The following NYAP2 variants were observed in gnomAD, a reference collection of about 807,000 sequenced individuals.
NYAP2 encodes the protein neuronal tyrosine-phosphorylated phosphoinositide-3-kinase adaptor 2, also known as neuronal tyrosine-phosphorylated phosphoinositide-3-kinase adapter 2.
In NYAP2, 23 loss-of-function variants were observed where a neutral mutation model predicts 50.4. The observed-to-expected ratio is 0.46, with a 90% CI of 0.33 to 0.65. The LOEUF is 0.65. Among genes scored for constraint, NYAP2 ranks in the 30% least tolerant of loss-of-function variants. NYAP2 has a pLI of 0.02. For missense variants in NYAP2, 885 were observed against 861.0 expected (o/e 1.03, Z -0.35); for synonymous variants, 394 against 365.2 (o/e 1.08, Z -0.90).
intron 3 of NYAP2, among the ~76,000 whole-genome samples, chr2:225,512,494 T>A (rs1690837232): frequency 6.7e-6 from 1 of 150,028 alleles, no homozygotes; most frequent in African/African-American, 2.4e-5. Context: ...CCTTCCTTCC[T>A]CCTTCCCTCC....
intron 3 of NYAP2, among the ~76,000 whole-genome samples, chr2:225,419,872 G>A (rs1053859049): frequency 2.6e-5 from 4 of 152,102 alleles, no homozygotes; most frequent in African/African-American, 7.2e-5. Context: ...TTGGGCATTT[G>A]CAAATGACAC....
chr2:225,627,757 G>T (rs1360085454), intron 6 of NYAP2, among the ~76,000 whole-genome samples: 1 of 152,080 alleles, frequency 6.6e-6, no homozygotes, highest in Non-Finnish European at 1.5e-5. Context: ...TAATAGGTAG[G>T]TATTATTAAA....
At chr2:225,442,118 G>A (rs1475748835) in intron 3 of NYAP2, among the ~76,000 whole-genome samples, 1 of 152,190 alleles carries the variant, frequency 6.6e-6, no homozygotes, top group Non-Finnish European at 1.5e-5. Context: ...AATTTCTCAT[G>A]AAGAGTCAAA....
rs115809071 is a variant in NYAP2, at chr2:225,633,250, A to T, written c.1828+6124A>T. 4.5e-3 allele frequency among the ~76,000 whole-genome samples: 683 copies of T among 152,334 alleles called. 7 individuals are homozygous for T. The highest frequency in any genetic ancestry group is 0.015 in the African/African-American group (611 of 41,582). ...ATCATACCCACACATGCACACAGACATATATAGGCAAACAGGGTTTATAGT... is the reference window on the plus strand; with the variant it reads ...ATCATACCCACACATGCACACAGACTTATATAGGCAAACAGGGTTTATAGT... On this transcript the variant is annotated intron_variant, in intron 6 of 6. Transcript: ENST00000636099.
chr2:225,489,429 C>G (rs1345119551), intron 3 of NYAP2, among the ~76,000 whole-genome samples: 2 of 152,028 alleles, frequency 1.3e-5, no homozygotes, highest in African/African-American at 4.8e-5. Context: ...AACTCCTGAC[C>G]TCAGATGATC....
intron 4 of NYAP2, among the ~76,000 whole-genome samples, chr2:225,565,265 A>T (rs1459246706): frequency 6.6e-6 from 1 of 152,198 alleles, no homozygotes; most frequent in East Asian, 1.9e-4. Context: ...AATCATTTTT[A>T]AAAAACTGAT....
chr2:225,598,128 A>C (rs562453830), intron 5 of NYAP2, among the ~76,000 whole-genome samples: 1 of 152,132 alleles, frequency 6.6e-6, no homozygotes, highest in Non-Finnish European at 1.5e-5. Context: ...GAGGGCCTTC[A>C]CATACGATGC....
intron 3 of NYAP2, among the ~76,000 whole-genome samples, chr2:225,483,149 GTATCA>G (rs1690234152): frequency 6.6e-6 from 1 of 152,058 alleles, no homozygotes; most frequent in African/African-American, 2.4e-5. Flanking sequence ...TTATAACACT[GTATCA>G]TATACTTAAA....
At chr2:225,475,825 TA>T (rs1443480075) in intron 3 of NYAP2, among the ~76,000 whole-genome samples, 3 of 152,214 alleles carry the variant, frequency 2.0e-5, no homozygotes, top group African/African-American at 7.2e-5. Flanking sequence ...CAGTGTCTCA[TA>T]AAAGCTATTT....
chr2:225,561,168 G>A (rs1438022268), intron 4 of NYAP2, among the ~76,000 whole-genome samples: 2 of 152,042 alleles, frequency 1.3e-5, no homozygotes, highest in African/African-American at 4.8e-5. Context: ...TAAGTAATTA[G>A]GGGGACGACA....
intron 4 of NYAP2, among the ~76,000 whole-genome samples, chr2:225,523,307 G>A (rs145814470): frequency 7.3e-4 from 110 of 149,968 alleles, no homozygotes; most frequent in African/African-American, 2.4e-3. Flanking sequence ...ATTTGATCTC[G>A]TATCTAGAAA....
chr2:225,427,877 T>A (rs1049658241), intron 3 of NYAP2, among the ~76,000 whole-genome samples: 1 of 152,142 alleles, frequency 6.6e-6, no homozygotes, highest in African/African-American at 2.4e-5. Context: ...TCTGGAAGAA[T>A]ACCCAAAGGA....
chr2:225,641,573 G>A (rs1272905666), intron 6 of NYAP2, among the ~76,000 whole-genome samples: 2 of 151,880 alleles, frequency 1.3e-5, no homozygotes, highest in African/African-American at 4.8e-5. Context: ...CCAGCACTTT[G>A]GGAGGCCGAG....
intron 4 of NYAP2, among the ~76,000 whole-genome samples, chr2:225,535,395 C>T (rs1336004130): frequency 6.6e-6 from 1 of 152,080 alleles, no homozygotes; most frequent in Non-Finnish European, 1.5e-5. Context: ...TGTGGGATGA[C>T]GTATGTAGAT....
In NYAP2 at chr2:225,582,095, C is replaced by T. The variant is rs375907618; in HGVS notation, c.678C>T (p.Ser226=). ...GGAGGACGTCGCTGCCGCGGGACTCCTCCTTGTCCCAGATGGGCAGCCCCG... is the reference window on the plus strand; with the variant it reads ...GGAGGACGTCGCTGCCGCGGGACTCTTCCTTGTCCCAGATGGGCAGCCCCG... The change falls in exon 5 of 7, where the codon TCC becomes TCT. Residue 226 remains serine, a synonymous_variant. Coordinates refer to ENST00000636099, the Ensembl canonical transcript of NYAP2. This position sits in a 1 kb window ranked among gnomAD's most constrained non-coding sequence, Gnocchi z 7.0. 15 of 1,613,918 alleles carry T rather than the reference C, an allele frequency of 9.3e-6. No homozygotes were observed. Among genetic ancestry groups the T allele is most frequent in the African/African-American group, 2.7e-5 (2 of 74,946 alleles).
chr2:225,613,931 G>T (rs1692942050), intron 5 of NYAP2, among the ~76,000 whole-genome samples: 1 of 152,108 alleles, frequency 6.6e-6, no homozygotes, highest in African/African-American at 2.4e-5. Context: ...GTAAAGTGAA[G>T]GTGTATTTTA....
At chr2:225,654,177 A>G (rs1693786513), downstream of NYAP2, among the ~76,000 whole-genome samples, 1 of 152,180 alleles carries the variant, frequency 6.6e-6, no homozygotes, top group East Asian at 1.9e-4. Context: ...TGGTGGAAAA[A>G]CATGTAAAAC....
At chr2:225,508,157 A>G (rs926197420) in intron 3 of NYAP2, among the ~76,000 whole-genome samples, 17 of 152,234 alleles carry the variant, frequency 1.1e-4, no homozygotes, top group African/African-American at 3.9e-4. Flanking sequence ...GTTTAAATTC[A>G]GGATTATGAA....
chr2:225,422,153 G>A (rs1695226382), intron 3 of NYAP2, among the ~76,000 whole-genome samples: 1 of 152,110 alleles, frequency 6.6e-6, no homozygotes, highest in South Asian at 2.1e-4. Context: ...TAAAAGTAAA[G>A]GAGAGGAACA....
Sources: allele counts gnomAD v4.1 joint callset (sites outside exome capture counted in the v4.1 genomes callset), GRCh38; gene constraint gnomAD v4.1.1; non-coding constraint Gnocchi (gnomAD v3.1); transcripts MANE v1.5; gene names NCBI Gene and HGNC (gene_info 2026-07-23, HGNC 2026-07-21).